The following CCDC126 variants were observed in gnomAD, a reference collection of about 807,000 sequenced individuals.
The protein encoded by CCDC126 is coiled-coil domain-containing protein 126.
A neutral mutation model predicts 11.7 loss-of-function variants in CCDC126; 5 were observed. The ratio of observed to expected loss-of-function variants is 0.43; its 90% CI spans 0.22 to 0.90. CCDC126 has a LOEUF of 0.90. Among genes scored for constraint, CCDC126 ranks in the 40% least tolerant of loss-of-function variants. The pLI is 0.27. For synonymous variants in CCDC126, 60 were observed against 61.9 expected, an observed-to-expected ratio of 0.97 and a Z score of 0.14; for missense variants, 150 against 163.1, an observed-to-expected ratio of 0.92 and a Z score of 0.44.
Position 23,644,330 on chromosome 7 carries a change from A to G in CCDC126, c.*1215A>G, listed in dbSNP as rs1014376120. On this transcript the variant is annotated 3_prime_UTR_variant, in exon 4 of 4. Coordinates refer to ENST00000307471, the MANE Select transcript of CCDC126 (RefSeq NM_138771.4). ...ATACTTTTATTTAAATTTCCCTTGTAGCAAATCTAATTGCCACATGGTGCC... is the reference window on the plus strand; with the variant it reads ...ATACTTTTATTTAAATTTCCCTTGTGGCAAATCTAATTGCCACATGGTGCC... The G allele has an allele frequency of 6.6e-6, 1 of 152,516 alleles. No homozygotes were observed. Among genetic ancestry groups the G allele is most frequent in the African/African-American group, 2.4e-5 (1 of 41,452 alleles). 9.4% of individuals were successfully genotyped at this position (152,516 alleles called of 1,614,324 possible).
chr7:23,643,243 A>G lies in CCDC126; in HGVS notation c.*128A>G. ...AAAGCTCTACACATTTTCAAGGAGT[A>G]TGCTGGATTCATGGAACTCTAATTC... On this transcript the variant is annotated 3_prime_UTR_variant, in exon 4 of 4. Transcript: ENST00000307471. The G allele has an allele frequency of 2.5e-6, 2 of 808,088 alleles. No homozygotes were observed. The highest frequency in any genetic ancestry group is 3.8e-6 in the Non-Finnish European group (2 of 528,540). The allele number at this position is 808,088 out of a possible 1,614,324, so 50.1% of individuals were successfully genotyped here.
intron 3 of CCDC126, among the ~76,000 whole-genome samples, chr7:23,638,727 T>TAAAAA (rs70954398): frequency 2.2e-5 from 2 of 89,668 alleles, no homozygotes; most frequent in Admixed American, 1.4e-4. Context: ...AAAAAAAAAT[T>TAAAAA]AAAAAAAAAA....
At chr7:23,635,959 T>C (rs1038395079) in intron 3 of CCDC126, among the ~76,000 whole-genome samples, 2 of 151,786 alleles carry the variant, frequency 1.3e-5, no homozygotes, top group African/African-American at 4.8e-5. Flanking sequence ...ACTGCTGCCA[T>C]CTCGGCTCAC....
intron 3 of CCDC126, among the ~76,000 whole-genome samples, chr7:23,627,118 C>T (rs886182766): frequency 3.3e-5 from 5 of 152,200 alleles, no homozygotes; most frequent in African/African-American, 1.2e-4. Context: ...TCTGAATCTC[C>T]AGCAACACCA....
rs1446164598 is a variant in CCDC126, at chr7:23,600,385, C to CG, written c.-146+2334_-146+2335insG. On this transcript the variant is annotated intron_variant, in intron 2 of 3. Coordinates refer to ENST00000307471, the MANE Select transcript of CCDC126 (RefSeq NM_138771.4). ...TGTGTTCTGTGTTAACCCCCCCCCC[C>CG]CCACCACCATATTAGCCTCAGGCAG... 1.6e-4 allele frequency among the ~76,000 whole-genome samples: 23 copies of CG among 145,684 alleles called. 3 individuals carry two copies. The highest frequency in any genetic ancestry group is 4.5e-4 in the African/African-American group (18 of 39,772).
chr7:23,633,520 A>G (rs765832999), intron 3 of CCDC126, among the ~76,000 whole-genome samples: 4 of 152,150 alleles, frequency 2.6e-5, no homozygotes, highest in Admixed American at 2.6e-4. Flanking sequence ...CTTTACTGCT[A>G]GTAGCTTCAT....
At chr7:23,608,208 A>G (rs1232330869) in intron 2 of CCDC126, among the ~76,000 whole-genome samples, 1 of 152,180 alleles carries the variant, frequency 6.6e-6, no homozygotes, top group Non-Finnish European at 1.5e-5. Context: ...CTTACTGTGC[A>G]TCCTCTGTAG....
At chr7:23,639,979 C>T (rs961097433) in intron 3 of CCDC126, among the ~76,000 whole-genome samples, 3 of 151,638 alleles carry the variant, frequency 2.0e-5, no homozygotes, top group African/African-American at 7.3e-5. Flanking sequence ...AGTTCGAGAC[C>T]AGAGACCAGC....
chr7:23,626,212 T>G (rs943321320), intron 3 of CCDC126, among the ~76,000 whole-genome samples: 2 of 152,184 alleles, frequency 1.3e-5, no homozygotes, highest in African/African-American at 4.8e-5. Flanking sequence ...AGCAGTAAGA[T>G]GCAGCTTCTT....
At position 23,597,456 on chromosome 7, in the gene CCDC126, A is replaced by G. The variant is rs1705073593; in HGVS notation, c.-380A>G. The G allele has an allele frequency of 6.6e-6, 1 of 151,930 alleles. No individual in the cohort carries two copies. Among genetic ancestry groups the G allele is most frequent in the African/African-American group, 2.4e-5 (1 of 41,322 alleles). The allele number at this position is 151,930 out of a possible 1,614,324, so 9.4% of individuals were successfully genotyped here. On this transcript the variant is annotated 5_prime_UTR_variant, in exon 1 of 4. Transcript: ENST00000307471. ...CAAGCTGGGAACAAACCTCGTCCCA[A>G]CTCCCACCCACCGGCGTTTCTCCAG...
chr7:23,620,923 G>T (rs1782882432), intron 3 of CCDC126, among the ~76,000 whole-genome samples: 1 of 152,314 alleles, frequency 6.6e-6, no homozygotes, highest in Middle Eastern at 3.4e-3. Context: ...GCTCTGTTCT[G>T]TTCTATTGGT....
chr7:23,616,536 G>A (rs1246196894), intron 3 of CCDC126, among the ~76,000 whole-genome samples: 3 of 152,164 alleles, frequency 2.0e-5, no homozygotes, highest in African/African-American at 7.2e-5. Flanking sequence ...ATGCTTCATT[G>A]TAAGTTTGGC....
chr7:23,639,211 A>G (rs1449071650), intron 3 of CCDC126, among the ~76,000 whole-genome samples: 5 of 121,558 alleles, frequency 4.1e-5, no homozygotes, highest in Admixed American at 1.9e-4. Context: ...TTTTTTTTTG[A>G]GATGGAGTCT....
chr7:23,622,748 A>G, intron 3 of CCDC126: 1 of 518,910 alleles, frequency 1.9e-6, no homozygotes, highest in Non-Finnish European at 3.9e-6. Flanking sequence ...AGATTCCTGG[A>G]GTTCCTGTCA....
At chr7:23,610,133 C>T (rs1403856434) in intron 2 of CCDC126, among the ~76,000 whole-genome samples, 1 of 152,088 alleles carries the variant, frequency 6.6e-6, no homozygotes, top group Non-Finnish European at 1.5e-5. Context: ...TCTTAAATTA[C>T]ATAAATGCAT....
intron 3 of CCDC126, among the ~76,000 whole-genome samples, chr7:23,634,631 G>C (rs1432608181): frequency 6.6e-6 from 1 of 152,184 alleles, no homozygotes; most frequent in East Asian, 1.9e-4. Context: ...ATTCCAGTAG[G>C]TGGCATTTTC....
Position 23,643,127 on chromosome 7 carries a change from C to T in CCDC126, c.*12C>T. On this transcript the variant is annotated 3_prime_UTR_variant, in exon 4 of 4. Coordinates refer to ENST00000307471, the MANE Select transcript of CCDC126 (RefSeq NM_138771.4). ...GCAGTATCAGATAGCAGTTGAAAAT[C>T]ACCTTGTGCTGCTCCATCCACTGTG... 1 of 1,609,588 alleles carries T rather than the reference C, an allele frequency of 6.2e-7. No homozygotes were observed. Among genetic ancestry groups the T allele is most frequent in the East Asian group, 2.2e-5 (1 of 44,794 alleles).
At chr7:23,639,376 G>T (rs767927167) in intron 3 of CCDC126, among the ~76,000 whole-genome samples, 10 of 151,956 alleles carry the variant, frequency 6.6e-5, no homozygotes, top group Non-Finnish European at 1.5e-4. Context: ...TGTATTTTTA[G>T]TGGAGACGGG....
intron 3 of CCDC126, among the ~76,000 whole-genome samples, chr7:23,634,339 T>G (rs1783167779): frequency 6.7e-6 from 1 of 149,984 alleles, no homozygotes; most frequent in Admixed American, 6.6e-5. Context: ...TGGCAGGGGG[T>G]GGGGAGGGGG....
Sources: gnomAD v4.1 joint callset for allele counts (sites outside exome capture counted in the v4.1 genomes callset) on GRCh38, gnomAD v4.1.1 for gene constraint, MANE v1.5 for transcripts, NCBI Gene and HGNC (gene_info 2026-07-23, HGNC 2026-07-21) for gene names.